The following TNK1 variants were observed in gnomAD, a reference collection of about 807,000 sequenced individuals.
TNK1 encodes the protein non-receptor tyrosine-protein kinase TNK1.
Under a neutral mutation model 65.2 loss-of-function variants are expected in TNK1, and 53 were observed. That is an observed-to-expected ratio of 0.81 (90% CI 0.65 to 1.02). The LOEUF (loss-of-function observed/expected upper bound fraction) is 1.02, where lower values mean the gene tolerates loss of function less well. Ranked by LOEUF, TNK1 falls within the 50% of genes least tolerant of loss-of-function variation. The pLI is 0.00. For missense variants in TNK1, 837 were observed against 878.4 expected, an observed-to-expected ratio of 0.95 and a Z score of 0.60; for synonymous variants, 353 against 364.6, an observed-to-expected ratio of 0.97 and a Z score of 0.36.
intron 2 of TNK1, 21 bp downstream of exon 2, chr17:7,383,110 G>A (rs1227469109): frequency 7.4e-6 from 12 of 1,613,714 alleles, no homozygotes; most frequent in Non-Finnish European, 1.0e-5. Flanking sequence ...CCTGCCCCGA[G>A]GCCCTGGTCT....
chr17:7,383,186 TA>T, intron 2 of TNK1, 63 bp from the exon 3 acceptor site: 1 of 1,612,354 alleles, frequency 6.2e-7, no homozygotes, highest in Non-Finnish European at 8.5e-7. Flanking sequence ...TTCTTCCCTG[TA>T]AGTCTCTCCG....
In TNK1 at chr17:7,382,720, G is replaced by A. The variant is rs372106155; in HGVS notation, c.-91-116G>A. 4.9e-3 allele frequency: 2,225 copies of A among 449,662 alleles called. 45 individuals are homozygous for A. In the African/African-American group the frequency reaches 0.11, roughly 22 times the overall value. The allele number at this position is 449,662 out of a possible 1,614,324, so 27.9% of individuals were successfully genotyped here. A position where few individuals can be genotyped will look rare whatever the true frequency, so the allele number is the denominator to read the frequency against. On this transcript the variant is annotated intron_variant, in intron 1 of 12. Coordinates refer to ENST00000688331, the MANE Select transcript of TNK1 (RefSeq NM_003985.6). The surrounding 1 kb of genome is among the most constrained non-coding windows in gnomAD (Gnocchi z 4.1). ...TCAGCGGTGAAGGGACAGAGTACCC[G>A]GATGCCTGGGCACGGGGAACATTCT...
chr17:7,381,390 G>A (rs142786915), intron 1 of TNK1, among the ~76,000 whole-genome samples: 3 of 152,286 alleles, frequency 2.0e-5, no homozygotes, highest in African/African-American at 7.2e-5. Context: ...GCCCAGCCTC[G>A]ATCCTCTTCT....
Position 7,384,179 on chromosome 17 carries a change from C to A in TNK1, c.792C>A (p.Phe264Leu). The A allele has an allele frequency of 2.6e-6, 4 of 1,533,668 alleles. No homozygotes were observed. In the South Asian group the frequency reaches 3.6e-5, roughly 14 times the overall value. The change falls in exon 6 of 13, where the codon TTC becomes TTA. Residue 264 changes from phenylalanine (F) to leucine (L), a missense_variant. Coordinates refer to ENST00000688331, the MANE Select transcript of TNK1 (RefSeq NM_003985.6). The part of the protein sequence containing the change: ...ASPRTIKVAD[F>L]GLVRPLGGAR... ...CGCGCACCATCAAGGTGGCTGACTTCGGGCTGGTGCGGCCTCTGGGCGGTG... is the reference window on the plus strand; with the variant it reads ...CGCGCACCATCAAGGTGGCTGACTTAGGGCTGGTGCGGCCTCTGGGCGGTG...
chr17:7,384,480 G>A lies in TNK1; in HGVS notation c.867-4G>A, dbSNP rs776851269. The A allele has an allele frequency of 2.0e-6, 3 of 1,534,764 alleles. No individual in the cohort carries two copies. The highest frequency in any genetic ancestry group is 3.8e-5 in the Admixed American group (2 of 52,232). ...GCCCCTTTCAGCTCCACTTCCTTCG[G>A]CAGGTGTGCCCCAGAGAGCCTGCGC... On this transcript the variant is annotated splice_region_variant and splice_polypyrimidine_tract_variant and intron_variant, in intron 6 of 12. Coordinates refer to ENST00000688331, the MANE Select transcript of TNK1 (RefSeq NM_003985.6).
At chr17:7,386,093 C>T (rs573802016) in intron 7 of TNK1, among the ~76,000 whole-genome samples, 1 of 152,188 alleles carries the variant, frequency 6.6e-6, no homozygotes, top group East Asian at 1.9e-4. Context: ...TTACAAGCCA[C>T]TCTCACCATG....
chr17:7,381,538 C>T (rs1904811333), intron 1 of TNK1, among the ~76,000 whole-genome samples: 1 of 152,290 alleles, frequency 6.6e-6, no homozygotes, highest in Non-Finnish European at 1.5e-5. Context: ...CAAGTTAGAC[C>T]GAGTGACTCA....
chr17:7,382,742 T>G lies in TNK1; in HGVS notation c.-91-94T>G. Reference sequence around the variant, plus strand: ...CCCGGATGCCTGGGCACGGGGAACATTCTATCTGGGATTTGTGTGCGTGAG... The same window carrying G: ...CCCGGATGCCTGGGCACGGGGAACAGTCTATCTGGGATTTGTGTGCGTGAG... On this transcript the variant is annotated intron_variant, in intron 1 of 12. Coordinates refer to ENST00000688331, the MANE Select transcript of TNK1 (RefSeq NM_003985.6). The surrounding 1 kb of genome is among the most constrained non-coding windows in gnomAD (Gnocchi z 4.1). 1 of 655,236 alleles carries G rather than the reference T, an allele frequency of 1.5e-6. No homozygotes were observed. Among genetic ancestry groups the G allele is most frequent in the Non-Finnish European group, 2.6e-6 (1 of 391,148 alleles). 40.6% of individuals were successfully genotyped at this position (655,236 alleles called of 1,614,324 possible).
chr17:7,383,400 A>G (rs1045352972), intron 3 of TNK1, 25 bp from the exon 4 acceptor site: 1 of 1,613,892 alleles, frequency 6.2e-7, no homozygotes, highest in Non-Finnish European at 8.5e-7. Context: ...GGCTCTGCAT[A>G]CCGGATTTCC....
At chr17:7,387,518 C>T in intron 10 of TNK1, 61 bp downstream of exon 10, 1 of 1,409,002 alleles carries the variant, frequency 7.1e-7, no homozygotes, top group Non-Finnish European at 9.7e-7. Flanking sequence ...AATTCCGACC[C>T]CCTGCCCTAA....
chr17:7,386,911 G>C, intron 8 of TNK1, 79 bp from the exon 9 acceptor site: 1 of 1,461,486 alleles, frequency 6.8e-7, no homozygotes, highest in South Asian at 1.4e-5. Context: ...ACATAGCCTA[G>C]TGAGCTGACT....
rs975202511 is a variant in TNK1 at position 7,387,403 on chromosome 17, G to A, written c.1423G>A (p.Asp475Asn). 3 of 1,606,038 alleles carry A rather than the reference G, an allele frequency of 1.9e-6. No individual in the cohort carries two copies. Among genetic ancestry groups the A allele is most frequent in the Non-Finnish European group, 2.5e-6 (3 of 1,176,656 alleles). ...DGDRKKANLW[D>N]APPARGQRRN... The stretch of plus-strand genomic sequence containing the variant: ...AGACAGAAAGAAGGCAAATCTTTGG[G>A]ATGCGCCCCCAGCACGGGGCCAGAG... The change falls in exon 10 of 13, where the codon GAT becomes AAT. Residue 475 changes from aspartate to asparagine, a missense_variant. Transcript: ENST00000688331.
intron 1 of TNK1, among the ~76,000 whole-genome samples, chr17:7,381,539 G>A (rs1904811562): frequency 6.6e-6 from 1 of 152,218 alleles, no homozygotes; most frequent in Admixed American, 6.5e-5. Flanking sequence ...AAGTTAGACC[G>A]AGTGACTCAG....
chr17:7,383,901 T>G, intron 5 of TNK1, 37 bp downstream of exon 5: 1 of 1,586,838 alleles, frequency 6.3e-7, no homozygotes, highest in Non-Finnish European at 8.6e-7. Context: ...GGGACAGCCG[T>G]GCGGCAGGAG....
chr17:7,383,474 A>T lies in TNK1; in HGVS notation c.284A>T (p.Asp95Val). 6.2e-7 allele frequency: 1 copy of T among 1,613,858 alleles called. No homozygotes were observed. Among genetic ancestry groups the T allele is most frequent in the East Asian group, 2.2e-5 (1 of 44,874 alleles). Reference protein sequence around the residue: ...PEHKEPTLPSDSPRHLPEPEG... With the variant: ...PEHKEPTLPSVSPRHLPEPEG... ...CACAAGGAGCCCACCCTGCCCTCGG[A>T]CAGCCCACGGCACCTCCCTGAGCCA... Residue 95 changes from aspartate (D) to valine (V), a missense_variant, in exon 4 of 13, where the codon GAC becomes GTC. Transcript: ENST00000688331.
chr17:7,387,081 G>A lies in TNK1; in HGVS notation c.1324G>A (p.Gly442Ser), dbSNP rs1409951441. Residue 442 changes from glycine to serine, a missense_variant, in exon 9 of 13, where the codon GGC (glycine) becomes AGC (serine). Coordinates refer to ENST00000688331, the MANE Select transcript of TNK1 (RefSeq NM_003985.6). ...ASAVTLADAG[G>S]LPATRPVHRG... ...GGCAGTGACGCTGGCAGATGCGGGG[G>A]GCTTGCCAGCCACCCGTCCAGTCCA... 1 of 1,613,160 alleles carries A rather than the reference G, an allele frequency of 6.2e-7. No individual in the cohort carries two copies. The highest frequency in any genetic ancestry group is 1.3e-5 in the African/African-American group (1 of 75,046).
chr17:7,384,048 C>G lies in TNK1; in HGVS notation c.661C>G (p.Leu221Val), dbSNP rs565938245. 37 of 1,530,806 alleles carry G rather than the reference C, an allele frequency of 2.4e-5. No homozygotes were observed. In the South Asian group the frequency reaches 3.2e-4, roughly 13 times the overall value. The allele number at this position is 1,530,806 out of a possible 1,614,324, so 94.8% of individuals were successfully genotyped here. The change falls in exon 6 of 13, where the codon CTG (leucine) becomes GTG (valine). Residue 221 changes from leucine to valine, a missense_variant. Transcript: ENST00000688331. The stretch of plus-strand genomic sequence containing the variant: ...CCCGACACCCCCGCTGCTCGTGGCC[C>G]TGCTCTGCCTCTTCCTGCGGCAGCT... ...PAPTPPLLVA[L>V]LCLFLRQLAG...
chr17:7,388,794 C>A lies in TNK1; in HGVS notation c.1783C>A (p.Leu595Met). 2 of 1,606,370 alleles carry A rather than the reference C, an allele frequency of 1.2e-6. No homozygotes were observed. Among genetic ancestry groups the A allele is most frequent in the Admixed American group, 1.7e-5 (1 of 58,754 alleles). ...ELQRKIMEVE[L>M]SVHGVTHQEC... is the part of the protein sequence containing the mutation. Reference sequence around the variant, plus strand: ...GAGGCTTTGTCTGTCACAGGTGGAGCTGAGTGTGCATGGGGTCACCCACCA... The same window carrying A: ...GAGGCTTTGTCTGTCACAGGTGGAGATGAGTGTGCATGGGGTCACCCACCA... The change falls in exon 12 of 13, where the codon CTG becomes ATG. Residue 595 changes from leucine to methionine, a missense_variant. Leu to Met is a conservative substitution (Grantham distance 15). Transcript: ENST00000688331. The surrounding 1 kb of genome is among the most constrained non-coding windows in gnomAD (Gnocchi z 4.5).
In TNK1 at chr17:7,386,666, C is replaced by T. The variant is rs779029310; in HGVS notation, c.1232+11C>T. On this transcript the variant is annotated intron_variant, in intron 8 of 12. Transcript: ENST00000688331. The stretch of plus-strand genomic sequence containing the variant: ...AGTCATCGAGGGCAGGTGACAGTCC[C>T]ATACCTCCCAAGCACCCTCAGGAGG... 2 of 1,569,862 alleles carry T rather than the reference C, an allele frequency of 1.3e-6. No homozygotes were observed. The highest frequency in any genetic ancestry group is 1.7e-6 in the Non-Finnish European group (2 of 1,156,074).
Sources: allele counts gnomAD v4.1 joint callset (sites outside exome capture counted in the v4.1 genomes callset), GRCh38; gene constraint gnomAD v4.1.1; non-coding constraint Gnocchi (gnomAD v3.1); transcripts MANE v1.5; gene names NCBI Gene and HGNC (gene_info 2026-07-23, HGNC 2026-07-21).